HAUS7: variants seen among roughly 807,000 people sequenced by gnomAD.
HAUS7 encodes HAUS augmin-like complex subunit 7.
A neutral mutation model predicts 28.4 loss-of-function variants in HAUS7; 3 were observed. The observed-to-expected ratio is 0.11, with a 90% confidence interval of 0.05 to 0.27. The LOEUF (loss-of-function observed/expected upper bound fraction) is 0.27. HAUS7 is among the 10% of genes least tolerant of loss of function. HAUS7 has a pLI of 1.00. For missense variants in HAUS7, 284 were observed against 297.3 expected, an observed-to-expected ratio of 0.96 and a Z score of 0.33; for synonymous variants, 165 against 132.1, an observed-to-expected ratio of 1.25 and a Z score of -1.71.
In HAUS7 at chrX:153,447,893, T is replaced by G; in HGVS notation, c.1062A>C (p.Glu354Asp). 2 of 1,200,308 alleles carry G rather than the reference T, an allele frequency of 1.7e-6. No homozygotes were observed. The highest frequency in any genetic ancestry group is 2.3e-6 in the Non-Finnish European group (2 of 884,906). Residue 354 changes from glutamate to aspartate, a missense_variant, in exon 10 of 10, where the codon GAA (glutamate) becomes GAC (aspartate). Transcript: ENST00000370211. Reference protein sequence around the residue: ...SVMSLATKMNELMEK With the variant: ...SVMSLATKMNDLMEK Reference sequence around the variant, plus strand: ...TGAAGACTTTCTATTTCTCCATTAGTTCATTCATCTTGGTAGCTGCAGAGG... The same window carrying G: ...TGAAGACTTTCTATTTCTCCATTAGGTCATTCATCTTGGTAGCTGCAGAGG...
chrX:153,489,350 C>A (rs1420581800), intron 1 of HAUS7, among the ~76,000 whole-genome samples: 1 of 112,438 alleles, frequency 8.9e-6, no homozygotes, highest in African/African-American at 3.2e-5. Flanking sequence ...GGCCACGCTC[C>A]GACACCCACT....
At chrX:153,465,986 A>G (rs2089450390) in intron 2 of HAUS7, among the ~76,000 whole-genome samples, 1 of 112,128 alleles carries the variant, frequency 8.9e-6, no homozygotes, top group African/African-American at 3.2e-5. Context: ...GCCTGGCTAC[A>G]CCTCACCATT....
At chrX:153,460,919 G>A (rs782521964) in intron 4 of HAUS7, among the ~76,000 whole-genome samples, 4 of 112,533 alleles carry the variant, frequency 3.6e-5, no homozygotes, top group East Asian at 2.8e-4. Context: ...GAGAGGAAAC[G>A]GCTCAAGAAA....
chrX:153,468,759 C>T (rs1556984661), intron 2 of HAUS7, among the ~76,000 whole-genome samples: 1 of 112,520 alleles, frequency 8.9e-6, no homozygotes, highest in Non-Finnish European at 1.9e-5. Context: ...CACTGGGAGA[C>T]CAGAGACTGT....
intron 9 of HAUS7, 34 bp downstream of exon 9, chrX:153,454,360 C>A: frequency 1.2e-6 from 1 of 829,944 alleles, no homozygotes; most frequent in Non-Finnish European, 1.8e-6. Flanking sequence ...CGTGGGGCAG[C>A]CCCAGGCAGA....
At chrX:153,465,987 C>A (rs1199877290) in intron 2 of HAUS7, among the ~76,000 whole-genome samples, 1 of 112,783 alleles carries the variant, frequency 8.9e-6, no homozygotes, top group East Asian at 2.8e-4. Context: ...CCTGGCTACA[C>A]CTCACCATTG....
rs1021908232 is a variant in HAUS7 at position 153,485,843 on chromosome X, C to T, written c.-589+9531G>A. 2.3e-5 allele frequency: 21 copies of T among 904,218 alleles called. No individual in the cohort carries two copies. In the South Asian group the frequency reaches 3.0e-4, roughly 13 times the overall value. 74.5% of individuals were successfully genotyped at this position (904,218 alleles called of 1,213,427 possible). On this transcript the variant is annotated intron_variant, in intron 1 of 5. Transcript: ENST00000370210. Reference sequence around the variant, plus strand: ...CCGCTTCCTGCCGCGGGGCCTGAGGCGCCTGACGCTGCACCACGACCACAT... The same window carrying T: ...CCGCTTCCTGCCGCGGGGCCTGAGGTGCCTGACGCTGCACCACGACCACAT...
chrX:153,482,028 C>T (rs901415110), intron 1 of HAUS7: 2 of 375,182 alleles, frequency 5.3e-6, no homozygotes, highest in African/African-American at 5.5e-5. Context: ...GGTGGAGCTG[C>T]TTAGGGGGTA....
intron 1 of HAUS7, chrX:153,485,996 G>A (rs1187823938): frequency 4.1e-6 from 4 of 979,174 alleles, no homozygotes; most frequent in Non-Finnish European, 5.3e-6. Context: ...CGCCTCGCTG[G>A]CGGAGCTGCT....
chrX:153,448,037 T>A (rs1264851653), intron 9 of HAUS7, 128 bp from the exon 10 acceptor site: 1 of 517,821 alleles, frequency 1.9e-6, no homozygotes, highest in Non-Finnish European at 3.4e-6. Flanking sequence ...GCCATCCCAT[T>A]ACTGGGTATA....
rs781861455 is a variant in HAUS7 at position 153,470,514 on chromosome X, T to A, written c.44A>T (p.Tyr15Phe). 1.2e-5 allele frequency: 14 copies of A among 1,201,061 alleles called. No individual in the cohort carries two copies. The highest frequency in any genetic ancestry group is 1.5e-5 in the Non-Finnish European group (13 of 890,559). The change falls in exon 1 of 10, where the codon TAC (tyrosine) becomes TTC (phenylalanine). Residue 15 changes from tyrosine to phenylalanine, a missense_variant. Physicochemically the swap from Tyr to Phe is conservative, Grantham distance 22. Coordinates refer to ENST00000370211, the MANE Select transcript of HAUS7 (RefSeq NM_001385482.1). ...GCTGCTGTCGCCCTCGTCCTCTGAG[T>A]AGTCGTCGCCGCCACGGCCGCAGCC... Reference protein sequence around the residue: ...DAGCGRGGDDYSEDEGDSSVS... With the variant: ...DAGCGRGGDDFSEDEGDSSVS...
chrX:153,448,363 G>T (rs2089191644), intron 9 of HAUS7, among the ~76,000 whole-genome samples: 1 of 88,350 alleles, frequency 1.1e-5, no homozygotes, highest in Non-Finnish European at 2.1e-5. Flanking sequence ...TTGGACACAG[G>T]AAGGGGAACA....
chrX:153,460,645 AGT>A (rs1473099594), intron 4 of HAUS7, among the ~76,000 whole-genome samples: 1 of 111,667 alleles, frequency 9.0e-6, no homozygotes, highest in Non-Finnish European at 1.9e-5. Context: ...TTTTACGTAA[AGT>A]GCACTTTGCC....
At chrX:153,471,065 A>G (rs1556985267), upstream of HAUS7, 2 of 315,843 alleles carry the variant, frequency 6.3e-6, no homozygotes, top group Non-Finnish European at 1.3e-5. Flanking sequence ...GACCAAGGGG[A>G]GCCTTGGGTG....
At chrX:153,494,700 G>A (rs1463917511) in intron 1 of HAUS7, among the ~76,000 whole-genome samples, 4 of 104,231 alleles carry the variant, frequency 3.8e-5, no homozygotes, top group African/African-American at 1.1e-4. Flanking sequence ...GAGTGAGTGC[G>A]AGTGTGTCCG....
At chrX:153,479,214 C>G in intron 1 of HAUS7, 1 of 361,927 alleles carries the variant, frequency 2.8e-6, no homozygotes, top group Non-Finnish European at 3.6e-6. Flanking sequence ...ATCGTCCTGC[C>G]GTGGCCACCA....
chrX:153,456,690 A>G (rs1556982322), intron 5 of HAUS7, 39 bp from the exon 6 acceptor site: 1 of 1,092,016 alleles, frequency 9.2e-7, no homozygotes, highest in Non-Finnish European at 1.2e-6. Context: ...GTCACAGGCC[A>G]GAGCACTCGC....
In HAUS7 at chrX:153,456,725, G is replaced by A. The variant is rs1556982334; in HGVS notation, c.447-74C>T. On this transcript the variant is annotated intron_variant, in intron 5 of 9. Transcript: ENST00000370211. ...CCCAGCAGGCCCTCAGCCCCACAGG[G>A]AAGGCCCCAGAAGCACATCGGGGCC... 7 of 823,561 alleles carry A rather than the reference G, an allele frequency of 8.5e-6. No homozygotes were observed. In the Admixed American group the frequency reaches 1.8e-4, roughly 21 times the overall value. 67.9% of individuals were successfully genotyped at this position (823,561 alleles called of 1,213,427 possible). A position where few individuals can be genotyped will look rare whatever the true frequency, so the allele number is the denominator to read the frequency against.
chrX:153,462,633 G>A lies in HAUS7; in HGVS notation c.331C>T (p.Pro111Ser). The change falls in exon 4 of 10, where the codon CCA (proline) becomes TCA (serine). Residue 111 changes from proline (P) to serine (S), a missense_variant. Physicochemically the swap from Pro to Ser is moderately conservative, Grantham distance 74. Coordinates refer to ENST00000370211, the MANE Select transcript of HAUS7 (RefSeq NM_001385482.1). ...KLGHELMLCAPDDQELLKGCA... is the reference protein window; with the variant it reads ...KLGHELMLCASDDQELLKGCA... Reference sequence around the variant, plus strand: ...ACCTTGAGGAGCTCCTGGTCATCTGGCGCACACAGCATCAGCTCGTGGCCC... The same window carrying A: ...ACCTTGAGGAGCTCCTGGTCATCTGACGCACACAGCATCAGCTCGTGGCCC... The A allele has an allele frequency of 8.3e-7, 1 of 1,206,593 alleles. No homozygotes were observed. The highest frequency in any genetic ancestry group is 1.1e-6 in the Non-Finnish European group (1 of 890,264).
Sources: gnomAD v4.1 joint callset for allele counts (sites outside exome capture counted in the v4.1 genomes callset) on GRCh38, gnomAD v4.1.1 for gene constraint, MANE v1.5 for transcripts, NCBI Gene and HGNC (gene_info 2026-07-23, HGNC 2026-07-21) for gene names.